TGM6: variants seen among roughly 807,000 people sequenced by gnomAD.
TGM6 encodes the protein protein-glutamine gamma-glutamyltransferase 6.
A neutral mutation model predicts 77.5 loss-of-function variants in TGM6; 74 were observed. The ratio of observed to expected loss-of-function variants is 0.96; its 90% CI spans 0.79 to 1.16. The LOEUF (loss-of-function observed/expected upper bound fraction) is 1.16, where lower values mean the gene tolerates loss of function less well. TGM6 is among the 50% of genes most tolerant of loss of function. The pLI is 0.00. For missense variants in TGM6, 968 were observed against 940.2 expected (o/e 1.03, Z -0.39); for synonymous variants, 383 against 378.9 (o/e 1.01, Z -0.12).
chr20:2,397,214 G>A (rs2084675225), intron 4 of TGM6, among the ~76,000 whole-genome samples: 1 of 152,230 alleles, frequency 6.6e-6, no homozygotes, highest in African/African-American at 2.4e-5. Context: ...TCTCTACAGT[G>A]AGGCAGGATC....
intron 2 of TGM6, 96 bp from the exon 3 acceptor site, chr20:2,395,098 G>A (rs952157823): frequency 1.9e-6 from 3 of 1,549,382 alleles, no homozygotes; most frequent in Non-Finnish European, 1.7e-6. Context: ...AGTTCAGGGG[G>A]TGAAGGTGGG....
At chr20:2,384,233 T>C (rs1488900019) in intron 1 of TGM6, among the ~76,000 whole-genome samples, 1 of 152,168 alleles carries the variant, frequency 6.6e-6, no homozygotes, top group Non-Finnish European at 1.5e-5. Flanking sequence ...GCGTGTTTAT[T>C]AATGGCTTCT....
In TGM6 at chr20:2,398,124, C is replaced by T. The variant is rs552492318; in HGVS notation, c.672+78C>T. 9.3e-6 allele frequency: 15 copies of T among 1,609,236 alleles called. No homozygotes were observed. The East Asian group carries it at 2.7e-4, about 29-fold the overall frequency. On this transcript the variant is annotated intron_variant, in intron 5 of 12. Transcript: ENST00000202625. Reference sequence around the variant, plus strand: ...AACCCCGGGGCCACAACCTGTGATTCTTCCCATCACCCCTTGTTTTAATTC... The same window carrying T: ...AACCCCGGGGCCACAACCTGTGATTTTTCCCATCACCCCTTGTTTTAATTC...
intron 7 of TGM6, among the ~76,000 whole-genome samples, chr20:2,401,462 G>A (rs1019430138): frequency 1.3e-5 from 2 of 152,058 alleles, no homozygotes; most frequent in African/African-American, 4.8e-5. Context: ...AAACAGTATT[G>A]GCAGCTTTAT....
In TGM6 at chr20:2,406,612, G is replaced by A. The variant is rs150755317; in HGVS notation, c.1336+2789G>A. ...GCACTCTGGGAGGCCGAGGCAGGCA[G>A]ATCACCTGAGGTCAAGAGTTCGAGA... On this transcript the variant is annotated intron_variant, in intron 9 of 12. Coordinates refer to ENST00000202625, the MANE Select transcript of TGM6 (RefSeq NM_198994.3). Among the ~76,000 whole-genome samples, 1,202 of 151,510 alleles carry A rather than the reference G, an allele frequency of 7.9e-3. 12 individuals carry two copies. The highest frequency in any genetic ancestry group is 0.027 in the African/African-American group (1,123 of 41,318).
chr20:2,421,678 C>T (rs927334990), intron 10 of TGM6, among the ~76,000 whole-genome samples: 6 of 152,174 alleles, frequency 3.9e-5, no homozygotes, highest in Non-Finnish European at 7.4e-5. Context: ...TTTTGGATAA[C>T]AGTCTTTTAT....
intron 7 of TGM6, among the ~76,000 whole-genome samples, chr20:2,402,269 A>C (rs1268009503): frequency 6.6e-6 from 1 of 152,006 alleles, no homozygotes. Flanking sequence ...AAAAATTAAA[A>C]AATAAAGATT....
intron 10 of TGM6, among the ~76,000 whole-genome samples, chr20:2,419,222 CTA>C (rs2084840160): frequency 6.6e-6 from 1 of 152,114 alleles, no homozygotes; most frequent in South Asian, 2.1e-4. Context: ...CTCTCTCAGT[CTA>C]TCTCTGTATC....
At chr20:2,396,439 C>A in intron 3 of TGM6, 67 bp from the exon 4 acceptor site, 1 of 1,511,944 alleles carries the variant, frequency 6.6e-7, no homozygotes, top group Non-Finnish European at 9.2e-7. Context: ...ATCCCTGATG[C>A]AGCCCCTTCC....
At chr20:2,414,406 AGAC>A (rs1180725181) in intron 9 of TGM6, among the ~76,000 whole-genome samples, 2 of 152,232 alleles carry the variant, frequency 1.3e-5, no homozygotes, top group Non-Finnish European at 2.9e-5. Context: ...TCAAAAAGAT[AGAC>A]AATTAGTGTT....
intron 1 of TGM6, among the ~76,000 whole-genome samples, chr20:2,386,815 G>A (rs1018026728): frequency 1.3e-5 from 2 of 152,048 alleles, no homozygotes; most frequent in Non-Finnish European, 2.9e-5. Context: ...GGGAAGGGGG[G>A]AAACCAGTGC....
chr20:2,394,235 G>A (rs555637581), intron 1 of TGM6, among the ~76,000 whole-genome samples: 3 of 152,248 alleles, frequency 2.0e-5, no homozygotes, highest in Middle Eastern at 3.4e-3. Context: ...CAGAGGTTGC[G>A]GTGAATTGAG....
chr20:2,400,267 G>C, intron 6 of TGM6, 39 bp from the exon 7 acceptor site: 1 of 1,613,116 alleles, frequency 6.2e-7, no homozygotes, highest in African/African-American at 1.3e-5. Context: ...TCTCTCAGGG[G>C]CCAGGGTCCC....
intron 10 of TGM6, among the ~76,000 whole-genome samples, chr20:2,426,184 G>A (rs998853490): frequency 2.6e-5 from 4 of 152,056 alleles, no homozygotes; most frequent in African/African-American, 7.2e-5. Flanking sequence ...TTTCATCAGA[G>A]TTTTACAGTT....
chr20:2,381,567 C>A (rs943379406), intron 1 of TGM6, among the ~76,000 whole-genome samples: 1 of 152,148 alleles, frequency 6.6e-6, no homozygotes, highest in African/African-American at 2.4e-5. Flanking sequence ...GTTGGTGAGA[C>A]CACGTGTGCT....
intron 10 of TGM6, among the ~76,000 whole-genome samples, chr20:2,424,426 A>G (rs1310576082): frequency 1.3e-5 from 2 of 152,208 alleles, no homozygotes; most frequent in African/African-American, 2.4e-5. Context: ...CTTAAACCTT[A>G]TGAACCAACC....
rs1053874771 is a variant in TGM6 at position 2,403,952 on chromosome 20, G to T, written c.1336+129G>T. On this transcript the variant is annotated intron_variant, in intron 9 of 12. Coordinates refer to ENST00000202625, the MANE Select transcript of TGM6 (RefSeq NM_198994.3). The stretch of plus-strand genomic sequence containing the variant: ...GACGCTGACAGCAGCTTCCATTCAC[G>T]TTGTCTCTGTGCTCTGAGCCAAGTG... 22 of 1,482,088 alleles carry T rather than the reference G, an allele frequency of 1.5e-5. No individual in the cohort carries two copies. In the East Asian group the frequency reaches 4.0e-4, roughly 27 times the overall value. The allele number at this position is 1,482,088 out of a possible 1,614,324, so 91.8% of individuals were successfully genotyped here.
intron 9 of TGM6, among the ~76,000 whole-genome samples, chr20:2,412,821 CA>C (rs1221489035): frequency 1.3e-5 from 2 of 152,016 alleles, no homozygotes; most frequent in Non-Finnish European, 2.9e-5. Context: ...ATAAATTCAA[CA>C]AAAGAAGAGC....
rs1159501892 is a variant in TGM6, at chr20:2,420,986, AT to A, written c.1678+3425del. On this transcript the variant is annotated intron_variant, in intron 10 of 12. Coordinates refer to ENST00000202625, the MANE Select transcript of TGM6 (RefSeq NM_198994.3). The stretch of plus-strand genomic sequence containing the variant: ...GTTTTTGTGTGGGCTTGAGTTTTTA[AT>A]TTTTTTTTTTTATTTTTTGAGACAG... Among the ~76,000 whole-genome samples, 436 of 146,318 alleles carry A rather than the reference AT, an allele frequency of 3.0e-3. 2 individuals carry two copies. Among genetic ancestry groups the A allele is most frequent in the Non-Finnish European group, 4.6e-3 (303 of 65,994 alleles).
Sources: gnomAD v4.1 joint callset for allele counts (sites outside exome capture counted in the v4.1 genomes callset) on GRCh38, gnomAD v4.1.1 for gene constraint, MANE v1.5 for transcripts, NCBI Gene and HGNC (gene_info 2026-07-23, HGNC 2026-07-21) for gene names.